GABRR1: variants seen among roughly 807,000 people sequenced by gnomAD.
The protein encoded by GABRR1 is gamma-aminobutyric acid type A receptor subunit rho1, also known as gamma-aminobutyric acid receptor subunit rho-1.
GABRR1 carries 59 observed loss-of-function variants against 55.5 expected under a neutral mutation model. That is an observed-to-expected ratio of 1.06 (90% CI 0.86 to 1.32). The LOEUF (loss-of-function observed/expected upper bound fraction) is 1.32. Among genes scored for constraint, GABRR1 ranks in the 40% most tolerant of loss-of-function variants. GABRR1 has a pLI of 0.00. For missense variants in GABRR1, 602 were observed against 619.1 expected (o/e 0.97, Z 0.29); for synonymous variants, 213 against 226.0 (o/e 0.94, Z 0.51).
At chr6:89,223,130 G>A (rs889615660) in intron 1 of GABRR1, among the ~76,000 whole-genome samples, 5 of 151,850 alleles carry the variant, frequency 3.3e-5, no homozygotes, top group Non-Finnish European at 5.9e-5. Context: ...TAATTCGTGG[G>A]ATTTCGGTGC....
intron 2 of GABRR1, among the ~76,000 whole-genome samples, chr6:89,202,195 A>G (rs1389111484): frequency 6.6e-6 from 1 of 152,052 alleles, no homozygotes; most frequent in Non-Finnish European, 1.5e-5. Flanking sequence ...GCAGTTGACA[A>G]TTTTTTAAAA....
chr6:89,213,852 A>T (rs368649860), intron 1 of GABRR1, among the ~76,000 whole-genome samples: 11 of 126,496 alleles, frequency 8.7e-5, no homozygotes, highest in African/African-American at 3.6e-4. Context: ...TGTTTTTAAA[A>T]TTTTTTTCTC....
chr6:89,212,421 A>T, intron 1 of GABRR1, among the ~76,000 whole-genome samples: 1 of 34,766 alleles, frequency 2.9e-5, no homozygotes, highest in South Asian at 1.1e-3. Context: ...GCAAGCAAGC[A>T]TCGTCTCTCT....
intron 1 of GABRR1, among the ~76,000 whole-genome samples, chr6:89,228,946 C>G (rs1322991481): frequency 3.4e-5 from 5 of 148,728 alleles, no homozygotes; most frequent in East Asian, 2.0e-4. Flanking sequence ...CTGGGTGCTC[C>G]TGTATTGGGT....
intron 1 of GABRR1, among the ~76,000 whole-genome samples, chr6:89,215,634 A>G (rs896863477): frequency 6.6e-6 from 1 of 152,224 alleles, no homozygotes; most frequent in African/African-American, 2.4e-5. Flanking sequence ...AGTTAAAAAT[A>G]GTGTATTATA....
At chr6:89,188,190 A>G (rs1351667408) in intron 6 of GABRR1, among the ~76,000 whole-genome samples, 1 of 151,772 alleles carries the variant, frequency 6.6e-6, no homozygotes, top group Non-Finnish European at 1.5e-5. Context: ...TGCCCAGCAC[A>G]TTTTTGTATT....
chr6:89,207,613 GAATT>G (rs1772692836), intron 1 of GABRR1, among the ~76,000 whole-genome samples: 2 of 152,142 alleles, frequency 1.3e-5, no homozygotes, highest in Non-Finnish European at 1.5e-5. Context: ...AGAGAGAAAA[GAATT>G]ATTTGCTACC....
At chr6:89,225,491 A>T (rs1263459099) in intron 1 of GABRR1, among the ~76,000 whole-genome samples, 3 of 122,560 alleles carry the variant, frequency 2.4e-5, no homozygotes, top group Non-Finnish European at 3.4e-5. Flanking sequence ...TTCAATTCCC[A>T]CCTATGAGTG....
At position 89,201,347 on chromosome 6, in the gene GABRR1, G is replaced by C. The variant is rs1208061876; in HGVS notation, c.174-82C>G. On this transcript the variant is annotated intron_variant, in intron 2 of 9. Transcript: ENST00000454853. ...GTAACTTGCATTCTGACTTGATCTTGATAGGTGTGATGGGGTGTGCTATTT... is the reference window on the plus strand; with the variant it reads ...GTAACTTGCATTCTGACTTGATCTTCATAGGTGTGATGGGGTGTGCTATTT... 2.3e-5 allele frequency: 20 copies of C among 871,354 alleles called. No individual in the cohort carries two copies. The East Asian group carries it at 4.6e-4, about 20-fold the overall frequency. 54.0% of individuals were successfully genotyped at this position (871,354 alleles called of 1,614,324 possible).
chr6:89,204,812 A>T (rs907439843), intron 1 of GABRR1: 5 of 327,618 alleles, frequency 1.5e-5, no homozygotes, highest in Non-Finnish European at 2.7e-5. Flanking sequence ...AAAATAGATT[A>T]ATCATAAAGG....
chr6:89,219,135 G>A (rs141542366), upstream of GABRR1, among the ~76,000 whole-genome samples: 1,415 of 152,146 alleles, frequency 9.3e-3, 11 homozygotes, highest in Non-Finnish European at 0.013. Flanking sequence ...GTGTGGTGGC[G>A]GGCACCTGTA....
chr6:89,212,397 C>A (rs1772854221), intron 1 of GABRR1, among the ~76,000 whole-genome samples: 1 of 36,020 alleles, frequency 2.8e-5, no homozygotes, highest in African/African-American at 8.7e-5. Context: ...CCTGGTGTTC[C>A]ATCATGCTGC....
upstream of GABRR1, among the ~76,000 whole-genome samples, chr6:89,218,878 C>T (rs1641602242): frequency 6.6e-6 from 1 of 152,082 alleles, no homozygotes; most frequent in African/African-American, 2.4e-5. Flanking sequence ...TCTGAAACCT[C>T]TAGAAGAAAG....
chr6:89,200,830 A>T (rs930237467), intron 3 of GABRR1, among the ~76,000 whole-genome samples: 3 of 152,166 alleles, frequency 2.0e-5, no homozygotes, highest in Non-Finnish European at 2.9e-5. Context: ...TGTTATTTCC[A>T]AGTATTTTTA....
intron 2 of GABRR1, among the ~76,000 whole-genome samples, chr6:89,202,290 T>C (rs1046220850): frequency 6.6e-6 from 1 of 152,000 alleles, no homozygotes; most frequent in Non-Finnish European, 1.5e-5. Context: ...TTTTTTTGTT[T>C]GTTTGTTTGT....
intron 1 of GABRR1, among the ~76,000 whole-genome samples, chr6:89,210,561 A>G (rs550255334): frequency 6.6e-6 from 1 of 152,022 alleles, no homozygotes; most frequent in Non-Finnish European, 1.5e-5. Flanking sequence ...CCCCCACTAG[A>G]CTGTCAGCAC....
At chr6:89,196,127 C>T (rs1310410285) in intron 5 of GABRR1, among the ~76,000 whole-genome samples, 2 of 152,044 alleles carry the variant, frequency 1.3e-5, no homozygotes, top group African/African-American at 2.4e-5. Flanking sequence ...TTTTGTCTTA[C>T]TAATGGAAAA....
At position 89,216,930 on chromosome 6, in the gene GABRR1, A is replaced by G. The variant is rs111328956; in HGVS notation, c.122+271T>C. 1.8e-3 allele frequency among the ~76,000 whole-genome samples: 268 copies of G among 152,218 alleles called. 1 individual carries two copies. Among genetic ancestry groups the G allele is most frequent in the African/African-American group, 6.0e-3 (248 of 41,546 alleles). On this transcript the variant is annotated intron_variant, in intron 1 of 9. Transcript: ENST00000454853. ...TTTTTTTTAAATGTGCATATATTCT[A>G]TTTTCCAGAATCTACCTTTCACCCA...
intron 5 of GABRR1, among the ~76,000 whole-genome samples, chr6:89,191,634 T>G (rs532890799): frequency 6.6e-6 from 1 of 151,750 alleles, no homozygotes; most frequent in Non-Finnish European, 1.5e-5. Flanking sequence ...TGTGATGTAA[T>G]CAAAGCTCAT....
Sources: allele counts gnomAD v4.1 joint callset (sites outside exome capture counted in the v4.1 genomes callset), GRCh38; gene constraint gnomAD v4.1.1; transcripts MANE v1.5; gene names NCBI Gene and HGNC (gene_info 2026-07-23, HGNC 2026-07-21).